The following CDC42BPA variants were observed in gnomAD, a reference collection of about 807,000 sequenced individuals.
The protein encoded by CDC42BPA is serine/threonine-protein kinase MRCK alpha.
In CDC42BPA, 80 loss-of-function variants were observed where a neutral mutation model predicts 223.5. That is an observed-to-expected ratio of 0.36 (90% CI 0.30 to 0.43). The LOEUF is 0.43. Ranked by LOEUF, CDC42BPA falls within the 20% of genes least tolerant of loss-of-function variation. CDC42BPA has a pLI of 1.00. For synonymous variants in CDC42BPA, 694 were observed against 718.6 expected (o/e 0.97, Z 0.55); for missense variants, 1,743 against 2,099.9 (o/e 0.83, Z 3.32).
chr1:227,230,043 G>A (rs929893458), intron 2 of CDC42BPA, among the ~76,000 whole-genome samples: 8 of 152,158 alleles, frequency 5.3e-5, no homozygotes, highest in Non-Finnish European at 1.0e-4. Flanking sequence ...GGCCTTCAAG[G>A]ATCGAAACTG....
chr1:227,246,554 G>A (rs1182843509), intron 2 of CDC42BPA, among the ~76,000 whole-genome samples: 1 of 152,170 alleles, frequency 6.6e-6, no homozygotes, highest in South Asian at 2.1e-4. Flanking sequence ...TTGGAAGAAA[G>A]TAAAGTAAAA....
intron 17 of CDC42BPA, among the ~76,000 whole-genome samples, chr1:227,080,141 G>A (rs548483864): frequency 1.3e-5 from 2 of 152,072 alleles, no homozygotes; most frequent in South Asian, 4.1e-4. Flanking sequence ...TTTCAGATTA[G>A]GAATGCTCAA....
At chr1:227,187,808 A>T (rs1669083488) in intron 5 of CDC42BPA, among the ~76,000 whole-genome samples, 1 of 151,566 alleles carries the variant, frequency 6.6e-6, no homozygotes, top group Admixed American at 6.6e-5. Context: ...AGGAACAAAG[A>T]TAAGAATTAT....
chr1:227,005,971 A>G (rs752781003), intron 34 of CDC42BPA, among the ~76,000 whole-genome samples: 8 of 152,232 alleles, frequency 5.3e-5, no homozygotes, highest in Non-Finnish European at 1.0e-4. Flanking sequence ...AAAGGCCCCA[A>G]TCTTTTTCAG....
At position 227,215,917 on chromosome 1, in the gene CDC42BPA, T is replaced by C. The variant is rs187176488; in HGVS notation, c.271-2698A>G. ...AACTAAGCCACAATATTCACCACAG[T>C]GTGGTTTTCAATAGTAAAATATTGA... On this transcript the variant is annotated intron_variant, in intron 2 of 36. Coordinates refer to ENST00000366766, the MANE Select transcript of CDC42BPA (RefSeq NM_001394014.1). 1.7e-3 allele frequency among the ~76,000 whole-genome samples: 259 copies of C among 152,310 alleles called. 1 individual carries two copies. Among genetic ancestry groups the C allele is most frequent in the Non-Finnish European group, 3.2e-3 (215 of 68,022 alleles).
At chr1:227,027,319 T>C (rs747925542) in intron 30 of CDC42BPA, among the ~76,000 whole-genome samples, 1 of 152,318 alleles carries the variant, frequency 6.6e-6, no homozygotes, top group Non-Finnish European at 1.5e-5. Context: ...GTAATGAGCA[T>C]GGGTTGCCCT....
At chr1:227,100,775 T>C (rs1044056145) in intron 15 of CDC42BPA, among the ~76,000 whole-genome samples, 9 of 124,316 alleles carry the variant, frequency 7.2e-5, no homozygotes, top group East Asian at 3.5e-4. Context: ...TGTGTGTGTG[T>C]GTGCGTGTGC....
At chr1:227,174,938 C>T (rs528375600) in intron 5 of CDC42BPA, among the ~76,000 whole-genome samples, 6 of 152,182 alleles carry the variant, frequency 3.9e-5, no homozygotes, top group South Asian at 2.1e-4. Context: ...GCATATGACT[C>T]GACTTCTGTT....
At chr1:227,268,528 T>A (rs1685387034) in intron 1 of CDC42BPA, among the ~76,000 whole-genome samples, 2 of 151,128 alleles carry the variant, frequency 1.3e-5, no homozygotes, top group Non-Finnish European at 2.9e-5. Flanking sequence ...ATATGTGTAT[T>A]TTGTATGTGT....
chr1:227,280,335 T>C (rs1383504419), intron 1 of CDC42BPA, among the ~76,000 whole-genome samples: 3 of 152,216 alleles, frequency 2.0e-5, no homozygotes, highest in African/African-American at 7.2e-5. Context: ...GAGCAACACA[T>C]TCTCAAACAG....
intron 21 of CDC42BPA, chr1:227,069,105 A>G (rs1280135719): frequency 6.5e-6 from 1 of 153,350 alleles, no homozygotes; most frequent in Non-Finnish European, 1.5e-5. Context: ...TATTTTGGTC[A>G]CTACTATATC....
chr1:227,010,673 C>T (rs1472939617), intron 34 of CDC42BPA, among the ~76,000 whole-genome samples: 1 of 151,914 alleles, frequency 6.6e-6, no homozygotes, highest in Non-Finnish European at 1.5e-5. Context: ...CATCTTCTTC[C>T]TCAAAAGAAG....
At chr1:227,032,332 G>T (rs931687570) in intron 27 of CDC42BPA, among the ~76,000 whole-genome samples, 3 of 152,076 alleles carry the variant, frequency 2.0e-5, no homozygotes, top group Non-Finnish European at 2.9e-5. Context: ...AAAATAAATA[G>T]TTGTCAGTCT....
At chr1:227,102,023 T>G (rs1685129560) in intron 14 of CDC42BPA, among the ~76,000 whole-genome samples, 1 of 152,182 alleles carries the variant, frequency 6.6e-6, no homozygotes, top group Non-Finnish European at 1.5e-5. Flanking sequence ...ATTTGTTATA[T>G]CTTATCTGTC....
chr1:227,304,404 TCAAAAAAAAAA>T (rs1692202665), intron 1 of CDC42BPA, among the ~76,000 whole-genome samples: 1 of 127,294 alleles, frequency 7.9e-6, no homozygotes, highest in Non-Finnish European at 1.7e-5. Flanking sequence ...AGATTCTATC[TCAAAAAAAAAA>T]CAAAAAAAGA....
chr1:227,307,000 A>C (rs971505386), intron 1 of CDC42BPA, among the ~76,000 whole-genome samples: 6 of 152,204 alleles, frequency 3.9e-5, no homozygotes, highest in African/African-American at 1.4e-4. Context: ...CATAAAATCT[A>C]ATTAGCATTG....
chr1:227,252,894 AACT>A (rs1682275548), intron 2 of CDC42BPA, among the ~76,000 whole-genome samples: 1 of 152,204 alleles, frequency 6.6e-6, no homozygotes, highest in Non-Finnish European at 1.5e-5. Context: ...TTCTACTTCT[AACT>A]ACTACCAAGA....
intron 1 of CDC42BPA, chr1:227,264,792 C>A (rs1454920403): frequency 8.8e-7 from 1 of 1,133,794 alleles, no homozygotes; most frequent in Non-Finnish European, 1.3e-6. Context: ...TCCACTGTTA[C>A]CTCAGTGACA....
chr1:227,250,620 T>C (rs1291758943), intron 2 of CDC42BPA, among the ~76,000 whole-genome samples: 2 of 150,342 alleles, frequency 1.3e-5, no homozygotes, highest in East Asian at 1.9e-4. Context: ...TTTTTGAAAC[T>C]GAAGTGTGTG....
Sources: allele counts gnomAD v4.1 joint callset (sites outside exome capture counted in the v4.1 genomes callset), GRCh38; gene constraint gnomAD v4.1.1; transcripts MANE v1.5; gene names NCBI Gene and HGNC (gene_info 2026-07-23, HGNC 2026-07-21).